The following ZFAT variants were observed in gnomAD, a reference collection of about 807,000 sequenced individuals.
ZFAT encodes the protein zinc finger protein ZFAT.
A neutral mutation model predicts 117.7 loss-of-function variants in ZFAT; 64 were observed. That is an observed-to-expected ratio of 0.54 (90% CI 0.44 to 0.67). ZFAT has a LOEUF of 0.67. ZFAT is among the 30% of genes least tolerant of loss of function. The pLI is 0.00. For missense variants in ZFAT, 1,433 were observed against 1,584.5 expected (o/e 0.90, Z 1.62); for synonymous variants, 679 against 615.0 (o/e 1.10, Z -1.54).
intron 3 of ZFAT, among the ~76,000 whole-genome samples, chr8:134,625,243 A>G (rs1829420407): frequency 6.6e-6 from 1 of 152,248 alleles, no homozygotes; most frequent in Non-Finnish European, 1.5e-5. Flanking sequence ...CCAGGAAAAT[A>G]AACCTGTGAA....
At chr8:134,756,878 C>A in the ZFAT span, among the ~76,000 whole-genome samples, 1 of 152,188 alleles carries the variant, frequency 6.6e-6, no homozygotes, top group Non-Finnish European at 1.5e-5. Flanking sequence ...CAGAATCCAG[C>A]AGATGTGAAG....
the ZFAT span, among the ~76,000 whole-genome samples, chr8:134,726,601 A>C: frequency 6.6e-6 from 1 of 151,962 alleles, no homozygotes; most frequent in Non-Finnish European, 1.5e-5. Flanking sequence ...CAGGGTTTGG[A>C]GGGTTTTCTT....
chr8:134,608,686 C>T (rs1452246397), intron 5 of ZFAT, 43 bp downstream of exon 5: 7 of 1,595,866 alleles, frequency 4.4e-6, no homozygotes, highest in Non-Finnish European at 6.0e-6. Context: ...AGTTCACTCA[C>T]ATGCAACCTC....
intron 14 of ZFAT, 102 bp from the exon 15 acceptor site, chr8:134,509,851 A>C (rs1819684642): frequency 1.3e-5 from 19 of 1,440,584 alleles, no homozygotes; most frequent in Non-Finnish European, 1.7e-5. Context: ...CGCCTTCTCC[A>C]GAGGATGCAT....
At chr8:134,496,141 C>A (rs1030708372) in intron 15 of ZFAT, among the ~76,000 whole-genome samples, 5 of 152,220 alleles carry the variant, frequency 3.3e-5, no homozygotes, top group African/African-American at 1.2e-4. Context: ...CAGCCACGTG[C>A]CAGGCACAGG....
chr8:134,506,370 T>G (rs575641192), intron 15 of ZFAT, among the ~76,000 whole-genome samples: 1 of 152,294 alleles, frequency 6.6e-6, no homozygotes, highest in South Asian at 2.1e-4. Context: ...TGGGAGATGC[T>G]CGGGCCCCAT....
the ZFAT span, among the ~76,000 whole-genome samples, chr8:134,727,350 G>A: frequency 6.6e-6 from 1 of 152,100 alleles, no homozygotes; most frequent in Non-Finnish European, 1.5e-5. Context: ...CTGAGGTCAG[G>A]ACACTGCTGT....
intron 11 of ZFAT, among the ~76,000 whole-genome samples, chr8:134,555,351 T>C (rs1221947657): frequency 6.6e-6 from 1 of 152,240 alleles, no homozygotes; most frequent in East Asian, 1.9e-4. Flanking sequence ...GTATTCAGCA[T>C]AAATCGCATT....
intron 1 of ZFAT, among the ~76,000 whole-genome samples, chr8:134,699,375 T>C (rs1833953011): frequency 6.6e-6 from 1 of 152,182 alleles, no homozygotes; most frequent in Admixed American, 6.5e-5. Context: ...TATAAAGACC[T>C]GTGCTTTGGG....
At chr8:134,671,356 A>AAAAT (rs983648579) in intron 1 of ZFAT, among the ~76,000 whole-genome samples, 11 of 152,238 alleles carry the variant, frequency 7.2e-5, no homozygotes, top group Non-Finnish European at 2.9e-5. Context: ...AATCCTCAAT[A>AAAAT]AAATACTGGC....
the ZFAT span, among the ~76,000 whole-genome samples, chr8:134,791,194 A>G: frequency 6.6e-6 from 1 of 152,012 alleles, no homozygotes; most frequent in African/African-American, 2.4e-5. Context: ...GTAAACTTCA[A>G]CTCTTTCTCA....
chr8:134,514,328 T>G (rs1434377891), intron 13 of ZFAT, among the ~76,000 whole-genome samples: 1 of 152,236 alleles, frequency 6.6e-6, no homozygotes, highest in Non-Finnish European at 1.5e-5. Flanking sequence ...CAAGATAGAT[T>G]GAGTTTTACA....
At chr8:134,745,528 G>C in the ZFAT span, among the ~76,000 whole-genome samples, 18 of 152,328 alleles carry the variant, frequency 1.2e-4, no homozygotes, top group African/African-American at 3.8e-4. Flanking sequence ...AGGGAAAAGA[G>C]GAGTTAGTGA....
chr8:134,712,804 CACCCCCACCCCGTCTCACCCCA>C lies in ZFAT; in HGVS notation c.19+19_19+40del. 1 of 937,514 alleles carries C rather than the reference CACCCCCACCCCGTCTCACCCCA, an allele frequency of 1.1e-6. No individual in the cohort carries two copies. The highest frequency in any genetic ancestry group is 1.6e-6 in the Non-Finnish European group (1 of 627,560). 58.1% of individuals were successfully genotyped at this position (937,514 alleles called of 1,614,324 possible). A position where few individuals can be genotyped will look rare whatever the true frequency, so the allele number is the denominator to read the frequency against. On this transcript the variant is annotated intron_variant, in intron 1 of 15. Transcript: ENST00000377838. ...GCTTTCCGCGCGCCGCGCCGCGCCC[CACCCCCACCCCGTCTCACCCCA>C]ACCCCCAGCCCGGCTCACCTGCCGC...
chr8:134,649,416 G>C (rs553419515), intron 2 of ZFAT, among the ~76,000 whole-genome samples: 1 of 151,956 alleles, frequency 6.6e-6, no homozygotes, highest in African/African-American at 2.4e-5. Flanking sequence ...AGACTCCTGA[G>C]GAATACACTA....
intron 11 of ZFAT, among the ~76,000 whole-genome samples, chr8:134,556,232 T>C (rs1823614929): frequency 6.6e-6 from 1 of 151,886 alleles, no homozygotes; most frequent in Non-Finnish European, 1.5e-5. Context: ...GAAAGGCAAA[T>C]AGAAATCATA....
intron 1 of ZFAT, among the ~76,000 whole-genome samples, chr8:134,671,548 C>A (rs1455384145): frequency 6.6e-6 from 1 of 152,182 alleles, no homozygotes; most frequent in Non-Finnish European, 1.5e-5. Flanking sequence ...CAACAAAATT[C>A]AACAGCCCTT....
chr8:134,652,616 T>C (rs1372755972), intron 2 of ZFAT, among the ~76,000 whole-genome samples: 7 of 152,122 alleles, frequency 4.6e-5, no homozygotes, highest in Admixed American at 3.3e-4. Context: ...AACAAAAACA[T>C]AGACAACTGA....
Position 134,601,916 on chromosome 8 carries a change from A to C in ZFAT, c.1803T>G (p.Asn601Lys), listed in dbSNP as rs1480770462. Residue 601 changes from asparagine to lysine, a missense_variant, in exon 6 of 16, where the codon AAT becomes AAG. Physicochemically the swap from Asn to Lys is moderately conservative, Grantham distance 94. Coordinates refer to ENST00000377838, the MANE Select transcript of ZFAT (RefSeq NM_020863.4). ...CATGAGCCTCTGCGGAGGAGGTATCATTTTTCAACAAAAAATCATCTGAAA... is the reference window on the plus strand; with the variant it reads ...CATGAGCCTCTGCGGAGGAGGTATCCTTTTTCAACAAAAAATCATCTGAAA... ...EVVSDDFLLK[N>K]DTSSAEAHAA... The C allele has an allele frequency of 1.9e-6, 3 of 1,613,948 alleles. No homozygotes were observed. In the African/African-American group the frequency reaches 4.0e-5, roughly 22 times the overall value.
Sources: allele counts gnomAD v4.1 joint callset (sites outside exome capture counted in the v4.1 genomes callset), GRCh38; gene constraint gnomAD v4.1.1; transcripts MANE v1.5; gene names NCBI Gene and HGNC (gene_info 2026-07-23, HGNC 2026-07-21).